The following DNAH7 variants were observed in gnomAD, a reference collection of about 807,000 sequenced individuals.
The protein encoded by DNAH7 is dynein axonemal heavy chain 7.
Under a neutral mutation model 444.6 loss-of-function variants are expected in DNAH7, and 397 were observed. The observed-to-expected ratio is 0.89, with a 90% confidence interval of 0.82 to 0.97. The LOEUF is 0.97. DNAH7 is among the 50% of genes least tolerant of loss of function. The pLI, the probability that DNAH7 is intolerant of heterozygous loss-of-function variation, is 0.00. For synonymous variants in DNAH7, 1,636 were observed against 1,624.4 expected, an observed-to-expected ratio of 1.01 and a Z score of -0.17; for missense variants, 4,902 against 4,800.8, an observed-to-expected ratio of 1.02 and a Z score of -0.62.
intron 48 of DNAH7, among the ~76,000 whole-genome samples, chr2:195,833,638 G>A (rs1239219186): frequency 6.6e-6 from 1 of 152,176 alleles, no homozygotes; most frequent in Non-Finnish European, 1.5e-5. Flanking sequence ...TTTGATAAAT[G>A]TGATATCTAC....
chr2:195,983,921 T>C (rs1003170916), intron 15 of DNAH7, among the ~76,000 whole-genome samples: 4 of 152,348 alleles, frequency 2.6e-5, no homozygotes, highest in South Asian at 2.1e-4. Flanking sequence ...CCTGTTAGCA[T>C]GGCAATAATT....
chr2:195,823,743 G>A (rs754415540), intron 49 of DNAH7, among the ~76,000 whole-genome samples: 1 of 152,112 alleles, frequency 6.6e-6, no homozygotes, highest in Non-Finnish European at 1.5e-5. Flanking sequence ...CTCAGCTGCA[G>A]ATCAACATCT....
chr2:195,910,111 A>G lies in DNAH7; in HGVS notation c.4020T>C (p.Asp1340=). 6.2e-7 allele frequency: 1 copy of G among 1,613,882 alleles called. No individual in the cohort carries two copies. The highest frequency in any genetic ancestry group is 8.5e-7 in the Non-Finnish European group (1 of 1,179,862). ...ATTGTTTGGCTACAGCTTTTGCCAA[A>G]TCCTTGGTAGTTTCAGTCTTCCCAG... is the stretch of plus-strand genomic sequence containing the variant. ...AGTGKTETTK[D]LAKAVAKQCV... Residue 1340 remains aspartate (D), a synonymous_variant, in exon 25 of 65, where the codon GAT becomes GAC. Transcript: ENST00000312428.
At chr2:196,022,721 C>T (rs1406713806) in intron 8 of DNAH7, among the ~76,000 whole-genome samples, 30 of 152,328 alleles carry the variant, frequency 2.0e-4, no homozygotes, top group Admixed American at 1.6e-3. Context: ...TGAACTTCTT[C>T]CAAACTTCTG....
intron 10 of DNAH7, 71 bp from the exon 11 acceptor site, chr2:196,001,929 A>G: frequency 7.8e-7 from 1 of 1,285,088 alleles, no homozygotes; most frequent in East Asian, 2.4e-5. Flanking sequence ...AAGCATTAAC[A>G]CTAATTTCTG....
At chr2:195,868,124 C>G (rs1700463558) in intron 40 of DNAH7, among the ~76,000 whole-genome samples, 1 of 116,752 alleles carries the variant, frequency 8.6e-6, no homozygotes, top group Non-Finnish European at 1.6e-5. Flanking sequence ...GAGACAGAGT[C>G]TCGCTCTGTC....
chr2:195,794,023 T>C (rs554721854), intron 57 of DNAH7, among the ~76,000 whole-genome samples: 1 of 152,304 alleles, frequency 6.6e-6, no homozygotes, highest in East Asian at 1.9e-4. Context: ...GTTAATATCC[T>C]GAAACAAGAT....
At position 195,858,481 on chromosome 2, in the gene DNAH7, G is replaced by A. The variant is rs896799930; in HGVS notation, c.8060C>T (p.Thr2687Ile). ...ESALAALDTL[T>I]AQDITVVKSM... ...GTATGGCGAAGCTCTTACCTGTGCA[G>A]TAAGAGTATCAAGGGCGGCCAGTGC... The change falls in exon 43 of 65, where the codon ACT (threonine) becomes ATT (isoleucine). Residue 2687 changes from threonine to isoleucine, a missense_variant. By Grantham distance (89) the Thr-to-Ile change is moderately conservative (BLOSUM62 -1). Coordinates refer to ENST00000312428, the MANE Select transcript of DNAH7 (RefSeq NM_018897.3). 1 of 1,601,440 alleles carries A rather than the reference G, an allele frequency of 6.2e-7. No homozygotes were observed. The highest frequency in any genetic ancestry group is 2.2e-5 in the East Asian group (1 of 44,750).
chr2:195,907,638 G>A (rs997926680), intron 25 of DNAH7, among the ~76,000 whole-genome samples: 1 of 152,112 alleles, frequency 6.6e-6, no homozygotes, highest in African/African-American at 2.4e-5. Context: ...ACATGCATAT[G>A]TTATATCGAG....
chr2:195,754,249 T>G, intron 63 of DNAH7, 88 bp downstream of exon 63: 1 of 1,360,786 alleles, frequency 7.3e-7, no homozygotes, highest in Non-Finnish European at 9.9e-7. Flanking sequence ...GTTTATTACT[T>G]TTTTAACAGC....
At chr2:195,899,946 ATATT>A (rs1686596504) in intron 28 of DNAH7, among the ~76,000 whole-genome samples, 2 of 152,262 alleles carry the variant, frequency 1.3e-5, no homozygotes, top group South Asian at 2.1e-4. Context: ...TCTTTTGTGT[ATATT>A]TATTATACTT....
At chr2:195,910,314 T>A in intron 24 of DNAH7, 119 bp from the exon 25 acceptor site, 1 of 803,050 alleles carries the variant, frequency 1.2e-6, no homozygotes, top group Non-Finnish European at 1.9e-6. Context: ...TTTGATAATT[T>A]CTTCCTTCCC....
intron 14 of DNAH7, among the ~76,000 whole-genome samples, chr2:195,986,507 T>C (rs1168670755): frequency 1.3e-5 from 2 of 152,148 alleles, no homozygotes; most frequent in Non-Finnish European, 2.9e-5. Context: ...TTACCACCAG[T>C]TGTTGGAAGA....
intron 31 of DNAH7, among the ~76,000 whole-genome samples, 170 bp from the exon 32 acceptor site, chr2:195,889,151 A>G (rs1240508022): frequency 1.3e-5 from 2 of 152,282 alleles, no homozygotes; most frequent in East Asian, 3.9e-4. Context: ...GTGTGCACAG[A>G]TGTATATAAT....
intron 15 of DNAH7, among the ~76,000 whole-genome samples, chr2:195,980,831 C>A (rs1692525349): frequency 6.6e-6 from 1 of 151,288 alleles, no homozygotes; most frequent in Admixed American, 6.6e-5. Flanking sequence ...AAAAAACCCT[C>A]AAAAATTGTG....
At chr2:195,854,570 T>C (rs181933923) in intron 45 of DNAH7, among the ~76,000 whole-genome samples, 37 of 152,302 alleles carry the variant, frequency 2.4e-4, no homozygotes, top group Non-Finnish European at 4.9e-4. Context: ...CTTTTGTCTT[T>C]CTAGTTTCTT....
chr2:195,960,330 CCAA>C lies in DNAH7; in HGVS notation c.2818_2820del (p.Leu940del), dbSNP rs763261178. The C allele has an allele frequency of 4.2e-5, 68 of 1,613,828 alleles. 1 individual carries two copies. The highest frequency in any genetic ancestry group is 3.7e-4 in the African/African-American group (28 of 75,030). On this transcript the variant is annotated inframe_deletion, in exon 18 of 65. Coordinates refer to ENST00000312428, the MANE Select transcript of DNAH7 (RefSeq NM_018897.3). ...GTTTGTGTTTTAATAATATGGTCAT[CCAA>C]CAACATCTGAATTTCATCAACTGAT...
In DNAH7 at chr2:195,816,708, G is replaced by A; in HGVS notation, c.9681C>T (p.Tyr3227=). The part of the protein sequence containing the change: ...LADLANIEPM[Y]QYSLTWFINL... The stretch of plus-strand genomic sequence containing the variant: ...TAATAAACCAGGTCAGTGAATACTG[G>A]TACATGGGCTCAATGTTGGCTAAAT... The change falls in exon 51 of 65, where the codon TAC becomes TAT. Residue 3227 remains tyrosine (Y), a synonymous_variant. Transcript: ENST00000312428. 6.2e-7 allele frequency: 1 copy of A among 1,614,118 alleles called. No homozygotes were observed. Among genetic ancestry groups the A allele is most frequent in the South Asian group, 1.1e-5 (1 of 91,080 alleles).
intron 17 of DNAH7, among the ~76,000 whole-genome samples, chr2:195,963,260 T>A (rs1410707097): frequency 6.6e-6 from 1 of 152,212 alleles, no homozygotes; most frequent in African/African-American, 2.4e-5. Flanking sequence ...TTTCTCTACA[T>A]CTTTGACAGC....
Sources: allele counts gnomAD v4.1 joint callset (sites outside exome capture counted in the v4.1 genomes callset), GRCh38; gene constraint gnomAD v4.1.1; transcripts MANE v1.5; gene names NCBI Gene and HGNC (gene_info 2026-07-23, HGNC 2026-07-21).